MAF: variants seen among roughly 807,000 people sequenced by gnomAD.
MAF encodes the protein transcription factor Maf.
MAF carries 10 observed loss-of-function variants against 22.0 expected under a neutral mutation model. The observed-to-expected ratio is 0.45, with a 90% CI of 0.28 to 0.77. The LOEUF (loss-of-function observed/expected upper bound fraction) is 0.77. Among genes scored for constraint, MAF ranks in the 30% least tolerant of loss-of-function variants. MAF has a pLI of 0.12. For missense variants in MAF, 544 were observed against 548.4 expected (o/e 0.99, Z 0.08); for synonymous variants, 337 against 255.8 (o/e 1.32, Z -3.03).
chr16:79,490,561 A>G, the MAF span, among the ~76,000 whole-genome samples: 1 of 152,218 alleles, frequency 6.6e-6, no homozygotes, highest in African/African-American at 2.4e-5. Context: ...ATAAACAGAT[A>G]CCTCAGATAT....
chr16:79,570,799 G>C, the MAF span, among the ~76,000 whole-genome samples: 1 of 152,196 alleles, frequency 6.6e-6, no homozygotes, highest in Admixed American at 6.5e-5. Context: ...ATGCCTATGG[G>C]CATACTACTG....
chr16:79,224,466 C>G, the MAF span, among the ~76,000 whole-genome samples: 1 of 152,184 alleles, frequency 6.6e-6, no homozygotes, highest in Non-Finnish European at 1.5e-5. Context: ...AGGATGCCCT[C>G]TCTCACTGCT....
chr16:79,248,226 G>A, the MAF span, among the ~76,000 whole-genome samples: 78 of 151,524 alleles, frequency 5.1e-4, 2 homozygotes, highest in Admixed American at 1.1e-3. Flanking sequence ...TATACATAAA[G>A]AGTTAAGAGA....
chr16:79,537,124 T>C, the MAF span, among the ~76,000 whole-genome samples: 4 of 152,214 alleles, frequency 2.6e-5, no homozygotes, highest in Admixed American at 2.6e-4. Flanking sequence ...CATACTCAAC[T>C]GCCAGATCAG....
chr16:79,428,594 C>A, the MAF span, among the ~76,000 whole-genome samples: 1 of 152,104 alleles, frequency 6.6e-6, no homozygotes, highest in Non-Finnish European at 1.5e-5. Flanking sequence ...AATCCCAGCA[C>A]TTTGGGAGGC....
the MAF span, chr16:79,212,017 TCTTTG>T: frequency 6.5e-7 from 1 of 1,536,148 alleles, no homozygotes; most frequent in South Asian, 1.2e-5. Flanking sequence ...GGCATAGGTC[TCTTTG>T]CTTTCTGGTG....
chr16:79,355,490 G>C, the MAF span, among the ~76,000 whole-genome samples: 1 of 152,234 alleles, frequency 6.6e-6, no homozygotes, highest in African/African-American at 2.4e-5. Flanking sequence ...AGGCAGAGAA[G>C]TGAGAGAAGG....
chr16:79,579,318 C>T, the MAF span, among the ~76,000 whole-genome samples: 1 of 152,120 alleles, frequency 6.6e-6, no homozygotes, highest in African/African-American at 2.4e-5. Context: ...GAAAAAGTCA[C>T]AGTTTCAGAA....
chr16:79,572,128 G>A, the MAF span, among the ~76,000 whole-genome samples: 1 of 152,098 alleles, frequency 6.6e-6, no homozygotes, highest in Non-Finnish European at 1.5e-5. Flanking sequence ...TTTTACATTT[G>A]TAGCATTTTG....
the MAF span, among the ~76,000 whole-genome samples, chr16:79,507,555 G>C: frequency 1.3e-5 from 2 of 151,838 alleles, no homozygotes; most frequent in South Asian, 2.1e-4. Flanking sequence ...CTCCTGAGTA[G>C]CTGGGACTAC....
chr16:79,463,270 C>T, the MAF span, among the ~76,000 whole-genome samples: 1 of 152,132 alleles, frequency 6.6e-6, no homozygotes, highest in East Asian at 1.9e-4. Flanking sequence ...GGGCTTTCAC[C>T]CCCACACACC....
chr16:79,393,761 C>T, the MAF span, among the ~76,000 whole-genome samples: 37 of 152,130 alleles, frequency 2.4e-4, no homozygotes, highest in Non-Finnish European at 4.4e-4. Flanking sequence ...CATTAAAGGG[C>T]TGAGTCAGCA....
the MAF span, among the ~76,000 whole-genome samples, chr16:79,257,445 G>A: frequency 6.6e-6 from 1 of 152,026 alleles, no homozygotes; most frequent in Non-Finnish European, 1.5e-5. Context: ...ATTATCCTAA[G>A]GAAATAAAGA....
the MAF span, among the ~76,000 whole-genome samples, chr16:79,340,333 G>A: frequency 6.6e-6 from 1 of 151,696 alleles, no homozygotes; most frequent in South Asian, 2.1e-4. Context: ...ATGATGAGCA[G>A]CAGTATTGTT....
the MAF span, among the ~76,000 whole-genome samples, chr16:79,243,156 CAAACAAATTAAAAAGCTAGCAGAA>C: frequency 6.6e-6 from 1 of 151,622 alleles, no homozygotes; most frequent in African/African-American, 2.4e-5. Flanking sequence ...GAAGCAAGAG[CAAACAAATTAAAAAGCTAGCAGAA>C]AACAAGAAAT....
the MAF span, among the ~76,000 whole-genome samples, chr16:79,438,432 C>T: frequency 2.6e-5 from 4 of 152,140 alleles, no homozygotes; most frequent in African/African-American, 7.2e-5. Context: ...AGACAGCGCC[C>T]GGCTTCACTG....
At position 79,596,422 on chromosome 16, in the gene MAF, CT is replaced by C. The variant is rs559566657; in HGVS notation, c.1119-1870del. 2.8e-6 allele frequency: 3 copies of C among 1,057,090 alleles called. No homozygotes were observed. The African/African-American group carries it at 5.0e-5, about 17-fold the overall frequency. The allele number at this position is 1,057,090 out of a possible 1,614,324, so 65.5% of individuals were successfully genotyped here. ...ACTGGAGAAAAGGATGCATTTTACACTTTTAACGAGGTTGTTGGGCCCAGTT... is the reference window on the plus strand; with the variant it reads ...ACTGGAGAAAAGGATGCATTTTACACTTTAACGAGGTTGTTGGGCCCAGTT... On this transcript the variant is annotated intron_variant, in intron 1 of 1. Transcript: ENST00000326043.
At chr16:79,235,800 C>A in the MAF span, among the ~76,000 whole-genome samples, 1 of 152,092 alleles carries the variant, frequency 6.6e-6, no homozygotes, top group Admixed American at 6.6e-5. Context: ...ACAGGCACAC[C>A]ACTAGCATTA....
chr16:79,530,886 T>C, the MAF span, among the ~76,000 whole-genome samples: 1 of 152,208 alleles, frequency 6.6e-6, no homozygotes, highest in Non-Finnish European at 1.5e-5. Context: ...CACTTCTCTG[T>C]AGCCAGAAAG....
Sources: gnomAD v4.1 joint callset for allele counts (sites outside exome capture counted in the v4.1 genomes callset) on GRCh38, gnomAD v4.1.1 for gene constraint, MANE v1.5 for transcripts, NCBI Gene and HGNC (gene_info 2026-07-23, HGNC 2026-07-21) for gene names.